The following ITGBL1 variants were observed in gnomAD, a reference collection of about 807,000 sequenced individuals.
The protein encoded by ITGBL1 is integrin beta-like protein 1.
In ITGBL1, 51 loss-of-function variants were observed where a neutral mutation model predicts 68.5. That is an observed-to-expected ratio of 0.74 (90% CI 0.59 to 0.94). The LOEUF is 0.94. ITGBL1 is among the 40% of genes least tolerant of loss of function. The probability of loss-of-function intolerance (pLI) is 0.00; values close to 1 mark genes in which losing one functional copy is unlikely to be tolerated. For synonymous variants in ITGBL1, 209 were observed against 227.3 expected, an observed-to-expected ratio of 0.92 and a Z score of 0.72; for missense variants, 649 against 647.4, an observed-to-expected ratio of 1.00 and a Z score of -0.03.
intron 7 of ITGBL1, among the ~76,000 whole-genome samples, chr13:101,689,211 TAA>T (rs34627046): frequency 0.26 from 19,634 of 74,442 alleles, 3,272 homozygotes; most frequent in African/African-American, 0.29. Context: ...AGACTCTGCC[TAA>T]AAAAAAAAAA....
In ITGBL1 at chr13:101,546,241, G is replaced by A. The variant is rs114980576; in HGVS notation, c.317-21458G>A. On this transcript the variant is annotated intron_variant, in intron 2 of 10. Transcript: ENST00000376180. ...AAACATAAAATTCAGGGTGGTTGGT[G>A]CAATTGCAGTGGGCTACAAGGGATA... Among the ~76,000 whole-genome samples, 1,489 of 152,244 alleles carry A rather than the reference G, an allele frequency of 9.8e-3. 24 individuals are homozygous for A. The highest frequency in any genetic ancestry group is 0.034 in the African/African-American group (1,427 of 41,558).
At chr13:101,587,071 G>C (rs1490529878) in intron 6 of ITGBL1, among the ~76,000 whole-genome samples, 1 of 152,126 alleles carries the variant, frequency 6.6e-6, no homozygotes, top group African/African-American at 2.4e-5. Context: ...GCCATCCTGA[G>C]AGTTTTGGTC....
At chr13:101,565,890 ATC>A (rs2050176484) in intron 2 of ITGBL1, among the ~76,000 whole-genome samples, 3 of 151,878 alleles carry the variant, frequency 2.0e-5, no homozygotes, top group African/African-American at 2.4e-5. Context: ...GAAGGGATGG[ATC>A]TCTCCCTATC....
Position 101,705,307 on chromosome 13 carries a change from A to AAC in ITGBL1, c.1133-1448_1133-1447insCA, listed in dbSNP as rs1555367876. Among the ~76,000 whole-genome samples the AAC allele has an allele frequency of 4.5e-3, 654 of 144,948 alleles. 2 individuals carry two copies. Among genetic ancestry groups the AAC allele is most frequent in the Non-Finnish European group, 7.5e-3 (505 of 67,172 alleles). Reference sequence around the variant, plus strand: ...ATTTAAAAAGCAAAAAAAAAAAAAAAAACAACAACAACAAAAAAAAATAGT... The same window carrying AAC: ...ATTTAAAAAGCAAAAAAAAAAAAAAAACAACAACAACAACAAAAAAAAATAGT... On this transcript the variant is annotated intron_variant, in intron 8 of 10. Transcript: ENST00000376180.
At chr13:101,655,338 G>A (rs1234588531) in intron 7 of ITGBL1, among the ~76,000 whole-genome samples, 2 of 152,164 alleles carry the variant, frequency 1.3e-5, no homozygotes, top group Non-Finnish European at 2.9e-5. Flanking sequence ...GCAGTTGCCA[G>A]ACATGCACAT....
intron 7 of ITGBL1, among the ~76,000 whole-genome samples, chr13:101,642,912 C>A (rs2032431527): frequency 6.6e-6 from 1 of 150,552 alleles, no homozygotes; most frequent in Non-Finnish European, 1.5e-5. Context: ...TGTTCTGTTC[C>A]ATTGATCTAT....
At chr13:101,583,478 T>C (rs1367561971) in intron 6 of ITGBL1, 122 bp downstream of exon 6, 1 of 684,436 alleles carries the variant, frequency 1.5e-6, no homozygotes, top group Non-Finnish European at 2.3e-6. Flanking sequence ...CACAATAGGG[T>C]GACTATAGTC....
intron 2 of ITGBL1, among the ~76,000 whole-genome samples, chr13:101,527,522 T>C (rs946483404): frequency 6.6e-5 from 10 of 152,108 alleles, no homozygotes; most frequent in African/African-American, 2.2e-4. Flanking sequence ...AAAACTATGA[T>C]GTATATTCAT....
At chr13:101,675,888 C>T (rs1196032727) in intron 7 of ITGBL1, among the ~76,000 whole-genome samples, 3 of 152,150 alleles carry the variant, frequency 2.0e-5, no homozygotes, top group Non-Finnish European at 1.5e-5. Flanking sequence ...GTATTTTCTA[C>T]TATCCTATCT....
chr13:101,601,213 T>A (rs1043166232), intron 7 of ITGBL1, among the ~76,000 whole-genome samples: 14 of 152,220 alleles, frequency 9.2e-5, no homozygotes, highest in Non-Finnish European at 1.8e-4. Context: ...ATTTTCTAGT[T>A]TATTTGCGTA....
intron 7 of ITGBL1, among the ~76,000 whole-genome samples, chr13:101,681,267 G>A (rs1312637376): frequency 6.6e-6 from 1 of 152,082 alleles, no homozygotes; most frequent in African/African-American, 2.4e-5. Flanking sequence ...AGAAACGTAT[G>A]TGTATGTGTG....
intron 7 of ITGBL1, among the ~76,000 whole-genome samples, chr13:101,605,570 G>A (rs577005813): frequency 9.8e-4 from 148 of 151,252 alleles, no homozygotes; most frequent in African/African-American, 3.4e-3. Context: ...ATGTATATGC[G>A]TATATATACA....
At chr13:101,460,421 T>C (rs2048302494) in intron 2 of ITGBL1, among the ~76,000 whole-genome samples, 1 of 152,232 alleles carries the variant, frequency 6.6e-6, no homozygotes, top group Non-Finnish European at 1.5e-5. Flanking sequence ...GTAAGCCATT[T>C]TTCGGGAGCT....
chr13:101,561,207 C>T (rs1203400929), intron 2 of ITGBL1, among the ~76,000 whole-genome samples: 1 of 152,026 alleles, frequency 6.6e-6, no homozygotes, highest in Non-Finnish European at 1.5e-5. Context: ...TTGAGAGAGC[C>T]CAAACCCTCT....
chr13:101,567,894 G>C, intron 3 of ITGBL1, 49 bp downstream of exon 3: 1 of 1,500,118 alleles, frequency 6.7e-7, no homozygotes, highest in Non-Finnish European at 9.2e-7. Context: ...ATCAAATTTT[G>C]TTTTTAATGG....
chr13:101,505,033 G>A (rs2049005273), intron 2 of ITGBL1, among the ~76,000 whole-genome samples: 1 of 152,148 alleles, frequency 6.6e-6, no homozygotes, highest in African/African-American at 2.4e-5. Flanking sequence ...CGTTTTGGGT[G>A]TTCGTGTTGT....
intron 8 of ITGBL1, chr13:101,692,960 A>G: frequency 3.1e-6 from 1 of 320,004 alleles, no homozygotes; most frequent in Non-Finnish European, 5.7e-6. Flanking sequence ...AAGATACTTT[A>G]TGATCGTGAA....
chr13:101,538,858 T>C (rs943775293), intron 2 of ITGBL1, among the ~76,000 whole-genome samples: 1 of 152,060 alleles, frequency 6.6e-6, no homozygotes, highest in African/African-American at 2.4e-5. Flanking sequence ...AAGCAGTTTA[T>C]AGTCATTATT....
At chr13:101,598,584 G>C (rs151335336) in intron 7 of ITGBL1, among the ~76,000 whole-genome samples, 2 of 151,654 alleles carry the variant, frequency 1.3e-5, no homozygotes, top group African/African-American at 2.4e-5. Flanking sequence ...ATCCCTCCCC[G>C]CTGCCCCCAC....
Sources: gnomAD v4.1 joint callset for allele counts (sites outside exome capture counted in the v4.1 genomes callset) on GRCh38, gnomAD v4.1.1 for gene constraint, MANE v1.5 for transcripts, NCBI Gene and HGNC (gene_info 2026-07-23, HGNC 2026-07-21) for gene names.